Variants in CACNA2D3 observed in about 807,000 individuals in gnomAD.
CACNA2D3 encodes calcium voltage-gated channel auxiliary subunit alpha2delta 3, also known as voltage-dependent calcium channel subunit alpha-2/delta-3.
CACNA2D3 carries 60 observed loss-of-function variants against 160.6 expected under a neutral mutation model. The observed-to-expected ratio is 0.37, with a 90% CI of 0.30 to 0.46. The LOEUF (loss-of-function observed/expected upper bound fraction) is 0.46, where lower values mean the gene tolerates loss of function less well. CACNA2D3 is among the 20% of genes least tolerant of loss of function. The probability of loss-of-function intolerance (pLI) is 1.00; values close to 1 mark genes in which losing one functional copy is unlikely to be tolerated. For synonymous variants in CACNA2D3, 558 were observed against 492.9 expected, an observed-to-expected ratio of 1.13 and a Z score of -1.75; for missense variants, 1,205 against 1,365.0, an observed-to-expected ratio of 0.88 and a Z score of 1.85.
intron 9 of CACNA2D3, among the ~76,000 whole-genome samples, chr3:54,613,560 C>T (rs1476748418): frequency 3.3e-5 from 5 of 152,208 alleles, no homozygotes; most frequent in Non-Finnish European, 4.4e-5. Context: ...AGAAGGCTTT[C>T]TATCCCATAT....
At chr3:54,314,387 C>T (rs759363195) in intron 2 of CACNA2D3, among the ~76,000 whole-genome samples, 3 of 152,154 alleles carry the variant, frequency 2.0e-5, no homozygotes, top group Non-Finnish European at 4.4e-5. Context: ...GTATCTTTTT[C>T]ATATAATGAC....
chr3:54,128,823 CAG>C (rs1442308058), intron 2 of CACNA2D3, among the ~76,000 whole-genome samples: 2 of 152,194 alleles, frequency 1.3e-5, no homozygotes, highest in Non-Finnish European at 2.9e-5. Context: ...AAAAATAAAA[CAG>C]ATGTTATAAA....
At chr3:54,527,003 T>C (rs1369971398) in intron 5 of CACNA2D3, among the ~76,000 whole-genome samples, 2 of 152,190 alleles carry the variant, frequency 1.3e-5, no homozygotes, top group Non-Finnish European at 2.9e-5. Flanking sequence ...GCACCCCCAA[T>C]TGTTGACTGA....
chr3:54,374,203 A>G (rs1698970289), intron 3 of CACNA2D3, among the ~76,000 whole-genome samples: 1 of 152,244 alleles, frequency 6.6e-6, no homozygotes, highest in Non-Finnish European at 1.5e-5. Flanking sequence ...CTGCGGTTGC[A>G]GGAAGCCACC....
chr3:55,059,779 G>C (rs576953896), intron 35 of CACNA2D3, among the ~76,000 whole-genome samples: 1 of 152,230 alleles, frequency 6.6e-6, no homozygotes, highest in East Asian at 1.9e-4. Context: ...CACTCAGTGG[G>C]ATGGATTGGG....
Position 54,763,837 on chromosome 3 carries a change from A to G in CACNA2D3, c.1247-381A>G, listed in dbSNP as rs9881411. Among the ~76,000 whole-genome samples, 4 of 75,850 alleles carry G rather than the reference A, an allele frequency of 5.3e-5. 1 individual carries two copies. The highest frequency in any genetic ancestry group is 9.4e-5 in the African/African-American group (2 of 21,380). The allele number at this position is 75,850 out of a possible 152,430, so 49.8% of individuals were successfully genotyped here. A position where few individuals can be genotyped will look rare whatever the true frequency, so the allele number is the denominator to read the frequency against. Reference sequence around the variant, plus strand: ...CATATATATATACGTATATATATGTATATATATGTACATATATATACATAT... The same window carrying G: ...CATATATATATACGTATATATATGTGTATATATGTACATATATATACATAT... On this transcript the variant is annotated intron_variant, in intron 12 of 37. Coordinates refer to ENST00000474759, the MANE Select transcript of CACNA2D3 (RefSeq NM_018398.3).
intron 4 of CACNA2D3, among the ~76,000 whole-genome samples, chr3:54,475,773 A>T (rs879436345): frequency 2.2e-5 from 3 of 139,386 alleles, no homozygotes; most frequent in Non-Finnish European, 4.7e-5. Context: ...CATATACATT[A>T]CAAATAACAT....
At chr3:54,854,786 A>C (rs1699130553) in intron 17 of CACNA2D3, among the ~76,000 whole-genome samples, 1 of 152,132 alleles carries the variant, frequency 6.6e-6, no homozygotes, top group South Asian at 2.1e-4. Context: ...TACATATTTG[A>C]AGGGCAAAAA....
intron 5 of CACNA2D3, among the ~76,000 whole-genome samples, chr3:54,538,774 A>T (rs748253764): frequency 6.6e-6 from 1 of 152,174 alleles, no homozygotes; most frequent in Non-Finnish European, 1.5e-5. Context: ...AGGTGCATCC[A>T]TGTGCATGAG....
chr3:54,614,846 C>T (rs1436085906), intron 9 of CACNA2D3, among the ~76,000 whole-genome samples: 1 of 152,044 alleles, frequency 6.6e-6, no homozygotes, highest in African/African-American at 2.4e-5. Flanking sequence ...TTAAATATCC[C>T]TCCACCACTC....
chr3:54,163,794 C>T (rs572291909), intron 2 of CACNA2D3, among the ~76,000 whole-genome samples: 3 of 152,158 alleles, frequency 2.0e-5, no homozygotes, highest in Non-Finnish European at 2.9e-5. Flanking sequence ...CCCAGAGTGA[C>T]GGCATGCGGA....
intron 2 of CACNA2D3, among the ~76,000 whole-genome samples, chr3:54,279,724 A>G (rs1306716502): frequency 6.6e-6 from 1 of 152,122 alleles, no homozygotes; most frequent in Non-Finnish European, 1.5e-5. Flanking sequence ...AACCATTTCG[A>G]GTTCTAGCAT....
In CACNA2D3 at chr3:54,328,964, C is replaced by T. The variant is rs57930223; in HGVS notation, c.321+8406C>T. ...TGTGGTGCCCAGGGTGTTTCAGCCT[C>T]CCCACTACTGTGGGAGAAAGTCAGT... On this transcript the variant is annotated intron_variant, in intron 3 of 37. Coordinates refer to ENST00000474759, the MANE Select transcript of CACNA2D3 (RefSeq NM_018398.3). Among the ~76,000 whole-genome samples, 487 of 152,244 alleles carry T rather than the reference C, an allele frequency of 3.2e-3. 5 individuals are homozygous for T. Among genetic ancestry groups the T allele is most frequent in the East Asian group, 0.03 (153 of 5,156 alleles).
At chr3:54,387,658 A>ATACG (rs1553643359) in intron 4 of CACNA2D3, among the ~76,000 whole-genome samples, 2 of 151,148 alleles carry the variant, frequency 1.3e-5, no homozygotes, top group African/African-American at 4.9e-5. Context: ...TCTCAAATAA[A>ATACG]TAAGTAAGTA....
intron 29 of CACNA2D3, among the ~76,000 whole-genome samples, chr3:54,972,646 T>C (rs898740569): frequency 2.6e-5 from 4 of 152,134 alleles, no homozygotes; most frequent in African/African-American, 9.6e-5. Context: ...CCCCTTTGTC[T>C]CCCCAGTCAA....
At chr3:54,692,741 G>A (rs1025390298) in intron 11 of CACNA2D3, among the ~76,000 whole-genome samples, 1 of 152,192 alleles carries the variant, frequency 6.6e-6, no homozygotes, top group Non-Finnish European at 1.5e-5. Context: ...CTGTAGACCA[G>A]TTACAGGTTT....
chr3:54,730,917 CAT>C (rs1261855645), intron 11 of CACNA2D3, among the ~76,000 whole-genome samples: 1 of 152,202 alleles, frequency 6.6e-6, no homozygotes, highest in Non-Finnish European at 1.5e-5. Flanking sequence ...TCTTTAAACA[CAT>C]GTTTTGGGTT....
intron 2 of CACNA2D3, among the ~76,000 whole-genome samples, chr3:54,257,068 A>G (rs1473298483): frequency 2.0e-5 from 3 of 152,190 alleles, no homozygotes; most frequent in African/African-American, 7.2e-5. Context: ...ATTATTAAGA[A>G]CTTTCCAGAA....
intron 8 of CACNA2D3, among the ~76,000 whole-genome samples, chr3:54,571,986 G>A (rs1159167023): frequency 4.6e-5 from 7 of 152,136 alleles, no homozygotes; most frequent in East Asian, 1.9e-4. Flanking sequence ...AGGGTGCTCC[G>A]AGAATGCTGT....
Sources: gnomAD v4.1 joint callset for allele counts (sites outside exome capture counted in the v4.1 genomes callset) on GRCh38, gnomAD v4.1.1 for gene constraint, MANE v1.5 for transcripts, NCBI Gene and HGNC (gene_info 2026-07-23, HGNC 2026-07-21) for gene names.